PRDM16: variants seen among roughly 807,000 people sequenced by gnomAD.
PRDM16 encodes the protein PR/SET domain 16.
In PRDM16, 23 loss-of-function variants were observed where a neutral mutation model predicts 110.6. The observed-to-expected ratio is 0.21, with a 90% CI of 0.15 to 0.29. The LOEUF is 0.29. PRDM16 is among the 10% of genes least tolerant of loss of function. The pLI is 1.00. For missense variants in PRDM16, 1,615 were observed against 1,794.3 expected, an observed-to-expected ratio of 0.90 and a Z score of 1.81; for synonymous variants, 799 against 781.8, an observed-to-expected ratio of 1.02 and a Z score of -0.37.
chr1:3,394,480 G>A, intron 4 of PRDM16: 1 of 447,456 alleles, frequency 2.2e-6, no homozygotes. Context: ...CGGGGGTGGG[G>A]TGGAGAGGGA....
At chr1:3,135,741 C>A (rs555706542) in intron 1 of PRDM16, among the ~76,000 whole-genome samples, 26 of 152,348 alleles carry the variant, frequency 1.7e-4, no homozygotes, top group South Asian at 1.2e-3. Flanking sequence ...CGGGTTACCC[C>A]GAGAAACAGG....
chr1:3,309,681 C>G (rs776076107), intron 3 of PRDM16: 1 of 152,280 alleles, frequency 6.6e-6, no homozygotes, highest in African/African-American at 2.4e-5. Flanking sequence ...TGACACTTCC[C>G]GCATCCCTGC....
intron 1 of PRDM16, among the ~76,000 whole-genome samples, chr1:3,135,373 C>A (rs1045426324): frequency 1.4e-4 from 22 of 152,158 alleles, no homozygotes; most frequent in African/African-American, 4.8e-4. Flanking sequence ...ACCACGGGCC[C>A]GACATTTTCT....
At position 3,157,728 on chromosome 1, in the gene PRDM16, T is replaced by C. The variant is rs527468555; in HGVS notation, c.38-28397T>C. Among the ~76,000 whole-genome samples, 2 of 152,182 alleles carry C rather than the reference T, an allele frequency of 1.3e-5. No individual in the cohort carries two copies. The highest frequency in any genetic ancestry group is 2.9e-5 in the Non-Finnish European group (2 of 68,008). On this transcript the variant is annotated intron_variant, in intron 1 of 16. Coordinates refer to ENST00000270722, the MANE Select transcript of PRDM16 (RefSeq NM_022114.4). The surrounding 1 kb of genome is among the most constrained non-coding windows in gnomAD (Gnocchi z 4.8). ...CTCAGCAAATACCCACAGGAGGCTGTGTTTGGCCACTAGCGGAGATGGCCC... is the reference window on the plus strand; with the variant it reads ...CTCAGCAAATACCCACAGGAGGCTGCGTTTGGCCACTAGCGGAGATGGCCC...
chr1:3,310,430 AG>A (rs1641422594), intron 3 of PRDM16, among the ~76,000 whole-genome samples: 1 of 152,166 alleles, frequency 6.6e-6, no homozygotes, highest in African/African-American at 2.4e-5. Context: ...CGGAAACCGT[AG>A]TCCCTGTGCC....
chr1:3,425,765 G>A lies in PRDM16; in HGVS notation c.3109+15G>A, dbSNP rs779637068. ...GAACGCACCAGGTGGGCCACGCGGG[G>A]TGGGGCAGCCCCCAGAGCACCCACA... On this transcript the variant is annotated intron_variant, in intron 13 of 16. Coordinates refer to ENST00000270722, the MANE Select transcript of PRDM16 (RefSeq NM_022114.4). The surrounding 1 kb of genome is among the most constrained non-coding windows in gnomAD (Gnocchi z 6.9). 2.1e-5 allele frequency: 34 copies of A among 1,612,748 alleles called. No homozygotes were observed. The highest frequency in any genetic ancestry group is 2.6e-5 in the Non-Finnish European group (31 of 1,179,706).
rs924853580 is a variant in PRDM16 at position 3,357,652 on chromosome 1, T to A, written c.439-27500T>A. On this transcript the variant is annotated intron_variant, in intron 3 of 16. Transcript: ENST00000270722. ...CTGTTCTGACGCTTAACCCACCCTC[T>A]TCCTGCCCAGTCGTCTACGCCCATG... is the stretch of plus-strand genomic sequence containing the variant. 2.7e-5 allele frequency among the ~76,000 whole-genome samples: 4 copies of A among 150,164 alleles called. No individual in the cohort carries two copies. The East Asian group carries it at 7.7e-4, about 29-fold the overall frequency.
chr1:3,288,631 C>G (rs1328494312), intron 3 of PRDM16, among the ~76,000 whole-genome samples: 1 of 152,168 alleles, frequency 6.6e-6, no homozygotes, highest in Non-Finnish European at 1.5e-5. Flanking sequence ...GCCACCACCA[C>G]CCATAGCCCC....
At chr1:3,169,967 C>T (rs1437439227) in intron 1 of PRDM16, among the ~76,000 whole-genome samples, 3 of 152,274 alleles carry the variant, frequency 2.0e-5, no homozygotes, top group Non-Finnish European at 2.9e-5. Context: ...GTGGACTGTG[C>T]ACACCTCGTG....
rs1046286757 is a variant in PRDM16, at chr1:3,430,764, T to C, written c.3285-108T>C. The C allele has an allele frequency of 2.3e-6, 3 of 1,292,382 alleles. No homozygotes were observed. In the South Asian group the frequency reaches 4.0e-5, roughly 17 times the overall value. 80.1% of individuals were successfully genotyped at this position (1,292,382 alleles called of 1,614,324 possible). ...GAGCTCCCTCAGGAAGGGGGCTGAG[T>C]GTTGTCGGGGGAGGCAGTGGGGGCA... On this transcript the variant is annotated intron_variant, in intron 14 of 16. Transcript: ENST00000270722.
Position 3,434,201 on chromosome 1 carries a change from A to G in PRDM16, c.*390A>G, listed in dbSNP as rs1157216930. The G allele has an allele frequency of 3.9e-6, 1 of 254,214 alleles. No individual in the cohort carries two copies. The highest frequency in any genetic ancestry group is 7.5e-6 in the Non-Finnish European group (1 of 132,472). The allele number at this position is 254,214 out of a possible 1,614,324, so 15.7% of individuals were successfully genotyped here. On this transcript the variant is annotated 3_prime_UTR_variant, in exon 17 of 17. Coordinates refer to ENST00000270722, the MANE Select transcript of PRDM16 (RefSeq NM_022114.4). Reference sequence around the variant, plus strand: ...GAATGGATAGACTGGTGTGCTCAAAAGAGAGAGATCACTCAAATGATTTTT... The same window carrying G: ...GAATGGATAGACTGGTGTGCTCAAAGGAGAGAGATCACTCAAATGATTTTT...
At chr1:3,126,665 G>A (rs1314400730) in intron 1 of PRDM16, among the ~76,000 whole-genome samples, 1 of 152,200 alleles carries the variant, frequency 6.6e-6, no homozygotes, top group Non-Finnish European at 1.5e-5. Flanking sequence ...CTCTGTCAGG[G>A]ACCCTGCCCT....
At chr1:3,096,900 C>T (rs1018254997) in intron 1 of PRDM16, among the ~76,000 whole-genome samples, 8 of 152,180 alleles carry the variant, frequency 5.3e-5, no homozygotes, top group South Asian at 2.1e-4. Context: ...AGAAGCCACC[C>T]GTGGAACCAT....
At position 3,373,486 on chromosome 1, in the gene PRDM16, G is replaced by A. The variant is rs771138040; in HGVS notation, c.439-11666G>A. ...GTTTCTCAGCAGGTTCAGGCTCAGCGCCCCCACATCCTTGCTTTGACCTAG... is the reference window on the plus strand; with the variant it reads ...GTTTCTCAGCAGGTTCAGGCTCAGCACCCCCACATCCTTGCTTTGACCTAG... On this transcript the variant is annotated intron_variant, in intron 3 of 16. Coordinates refer to ENST00000270722, the MANE Select transcript of PRDM16 (RefSeq NM_022114.4). 3.3e-4 allele frequency among the ~76,000 whole-genome samples: 50 copies of A among 152,178 alleles called. 1 individual carries two copies. The highest frequency in any genetic ancestry group is 5.4e-4 in the Non-Finnish European group (37 of 68,026).
chr1:3,159,242 C>T (rs959115653), intron 1 of PRDM16, among the ~76,000 whole-genome samples: 3 of 152,236 alleles, frequency 2.0e-5, no homozygotes, highest in Non-Finnish European at 2.9e-5. Flanking sequence ...TGTGTGTTAC[C>T]GGCGCAGCAC....
chr1:3,416,800 C>G (rs953942572), intron 10 of PRDM16, among the ~76,000 whole-genome samples: 3 of 152,216 alleles, frequency 2.0e-5, no homozygotes, highest in African/African-American at 7.2e-5. Context: ...TGCCGAGGCC[C>G]GGGGTTTGTT....
At chr1:3,331,673 C>G (rs1376123932) in intron 3 of PRDM16, among the ~76,000 whole-genome samples, 2 of 152,160 alleles carry the variant, frequency 1.3e-5, no homozygotes, top group African/African-American at 4.8e-5. Flanking sequence ...GCTGACAGCC[C>G]CTTCTGTGGG....
chr1:3,351,091 G>T (rs1382078169), intron 3 of PRDM16, among the ~76,000 whole-genome samples: 1 of 152,200 alleles, frequency 6.6e-6, no homozygotes, highest in Non-Finnish European at 1.5e-5. Flanking sequence ...ATGGCCGCTG[G>T]CTCGCTGGGC....
In PRDM16 at chr1:3,411,567, T is replaced by C. The variant is rs1170937669; in HGVS notation, c.1370T>C (p.Phe457Ser). ...GKNHYTPGGI[F>S]APGLPLTPSP... ...AACCATTACACGCCGGGCGGCATCTTTGCCCCGGGCCTGCCCTTGACCCCC... is the reference window on the plus strand; with the variant it reads ...AACCATTACACGCCGGGCGGCATCTCTGCCCCGGGCCTGCCCTTGACCCCC... Residue 457 changes from phenylalanine to serine, a missense_variant, in exon 9 of 17, where the codon TTT (phenylalanine) becomes TCT (serine). Phe to Ser is a radical substitution (Grantham distance 155). Around this residue, in one of 5 missense-constraint regions of PRDM16, gnomAD observed 772 missense variants for 748.3 expected, o/e 1.03. Coordinates refer to ENST00000270722, the MANE Select transcript of PRDM16 (RefSeq NM_022114.4). The C allele has an allele frequency of 6.2e-7, 1 of 1,614,034 alleles. No homozygotes were observed. Among genetic ancestry groups the C allele is most frequent in the African/African-American group, 1.3e-5 (1 of 75,020 alleles).
Sources: gnomAD v4.1 joint callset for allele counts (sites outside exome capture counted in the v4.1 genomes callset) on GRCh38, gnomAD v4.1.1 for gene constraint, gnomAD v4.1.1 regional missense constraint, Gnocchi (gnomAD v3.1) non-coding constraint, MANE v1.5 for transcripts, NCBI Gene and HGNC (gene_info 2026-07-23, HGNC 2026-07-21) for gene names.